Variants in FEM1B observed in about 807,000 individuals in gnomAD.
The protein encoded by FEM1B is protein fem-1 homolog B.
A neutral mutation model predicts 38.6 loss-of-function variants in FEM1B; 10 were observed. The observed-to-expected ratio is 0.26, with a 90% CI of 0.16 to 0.44. The LOEUF is 0.44. Among genes scored for constraint, FEM1B ranks in the 20% least tolerant of loss-of-function variants. The pLI is 1.00. For synonymous variants in FEM1B, 288 were observed against 288.0 expected (o/e 1.00, Z 0.00); for missense variants, 471 against 786.7 (o/e 0.60, Z 4.80).
Position 68,295,569 on chromosome 15 carries a change from G to A in FEM1B, c.*4327G>A, listed in dbSNP as rs1041136417. The A allele has an allele frequency of 2.0e-5, 3 of 152,198 alleles. No homozygotes were observed. The highest frequency in any genetic ancestry group is 7.2e-5 in the African/African-American group (3 of 41,444). 9.4% of individuals were successfully genotyped at this position (152,198 alleles called of 1,614,324 possible). On this transcript the variant is annotated 3_prime_UTR_variant, in exon 2 of 2. Coordinates refer to ENST00000306917, the MANE Select transcript of FEM1B (RefSeq NM_015322.5). ...ATCCTCCGTGCAGAGGAACTACACT[G>A]TTGTATTCTAGTAATTCACTGTGAT...
In FEM1B at chr15:68,281,860, T is replaced by A. The variant is rs1432493789; in HGVS notation, c.248+3195T>A. ...CGATCTCCTGACCTCGTGATCCGCA[T>A]GCCTCGGCCTCCCTAAGTGCTGGGA... On this transcript the variant is annotated intron_variant, in intron 1 of 1. Coordinates refer to ENST00000306917, the MANE Select transcript of FEM1B (RefSeq NM_015322.5). The surrounding 1 kb of genome is among the most constrained non-coding windows in gnomAD (Gnocchi z 5.1). 6.6e-6 allele frequency among the ~76,000 whole-genome samples: 1 copy of A among 152,222 alleles called. No individual in the cohort carries two copies. Among genetic ancestry groups the A allele is most frequent in the Non-Finnish European group, 1.5e-5 (1 of 68,028 alleles).
intron 1 of FEM1B, among the ~76,000 whole-genome samples, chr15:68,282,126 T>C (rs1425173311): frequency 1.3e-5 from 2 of 152,088 alleles, no homozygotes; most frequent in African/African-American, 4.8e-5. Flanking sequence ...CCATGAAACA[T>C]TGTGCTGGCC....
Position 68,289,425 on chromosome 15 carries a change from T to TA in FEM1B, c.249-181dup, listed in dbSNP as rs1422037041. 4 of 594,820 alleles carry TA rather than the reference T, an allele frequency of 6.7e-6. No individual in the cohort carries two copies. The highest frequency in any genetic ancestry group is 1.9e-5 in the African/African-American group (1 of 53,776). The allele number at this position is 594,820 out of a possible 1,614,324, so 36.8% of individuals were successfully genotyped here. Reference sequence around the variant, plus strand: ...AATAGCTAGCATATATTGAGCTTTATATTAGGTACAAGTACTATGCAAAGT... The same window carrying TA: ...AATAGCTAGCATATATTGAGCTTTATAATTAGGTACAAGTACTATGCAAAGT... On this transcript the variant is annotated intron_variant, in intron 1 of 1. Coordinates refer to ENST00000306917, the MANE Select transcript of FEM1B (RefSeq NM_015322.5). The surrounding 1 kb of genome is among the most constrained non-coding windows in gnomAD (Gnocchi z 6.9).
At position 68,285,691 on chromosome 15, in the gene FEM1B, C is replaced by CT. The variant is rs764398817; in HGVS notation, c.249-3903dup. On this transcript the variant is annotated intron_variant, in intron 1 of 1. Transcript: ENST00000306917. ...CTTTTGTGAAGTATACTTGTTCAGT[C>CT]TTTTTTTTTTTTTCTTAAATTGAGT... Among the ~76,000 whole-genome samples the CT allele has an allele frequency of 2.5e-3, 363 of 143,348 alleles. 2 individuals carry two copies. Among genetic ancestry groups the CT allele is most frequent in the East Asian group, 0.015 (75 of 4,998 alleles). The allele number at this position is 143,348 out of a possible 152,430, so 94.0% of individuals were successfully genotyped here. A position where few individuals can be genotyped will look rare whatever the true frequency, so the allele number is the denominator to read the frequency against.
rs1014317561 is a variant in FEM1B at position 68,281,583 on chromosome 15, A to T, written c.248+2918A>T. Among the ~76,000 whole-genome samples, 1 of 152,056 alleles carries T rather than the reference A, an allele frequency of 6.6e-6. No individual in the cohort carries two copies. Among genetic ancestry groups the T allele is most frequent in the African/African-American group, 2.4e-5 (1 of 41,392 alleles). On this transcript the variant is annotated intron_variant, in intron 1 of 1. Coordinates refer to ENST00000306917, the MANE Select transcript of FEM1B (RefSeq NM_015322.5). The surrounding 1 kb of genome is among the most constrained non-coding windows in gnomAD (Gnocchi z 5.1). ...ATAGAGCCTCGAGGGGAAAGGGACC[A>T]CCCACCTAGATTAAGCCATTGATAT...
chr15:68,288,110 G>C lies in FEM1B; in HGVS notation c.249-1497G>C, dbSNP rs573339987. Among the ~76,000 whole-genome samples, 2 of 152,306 alleles carry C rather than the reference G, an allele frequency of 1.3e-5. No individual in the cohort carries two copies. The highest frequency in any genetic ancestry group is 4.1e-4 in the South Asian group (2 of 4,822). On this transcript the variant is annotated intron_variant, in intron 1 of 1. Coordinates refer to ENST00000306917, the MANE Select transcript of FEM1B (RefSeq NM_015322.5). This position sits in a 1 kb window ranked among gnomAD's most constrained non-coding sequence, Gnocchi z 4.6. ...CTCCCAAAGTACTGAGATGATAGGC[G>C]TGAGCCACCATGCCAGGCCTAACGC... is the stretch of plus-strand genomic sequence containing the variant.
rs759411118 is a variant in FEM1B at position 68,290,549 on chromosome 15, T to C, written c.1191T>C (p.His397=). 1 of 1,614,198 alleles carries C rather than the reference T, an allele frequency of 6.2e-7. No homozygotes were observed. The highest frequency in any genetic ancestry group is 1.7e-5 in the Admixed American group (1 of 60,028). Residue 397 remains histidine (H), a synonymous_variant, in exon 2 of 2, where the codon CAT becomes CAC. Transcript: ENST00000306917. The surrounding 1 kb of genome is among the most constrained non-coding windows in gnomAD (Gnocchi z 9.7). ...RFAQVFSQMI[H]LNETVKAPDI... is the part of the protein sequence containing the mutation. ...CTCAAGTTTTCTCACAAATGATACA[T>C]TTGAATGAAACTGTGAAGGCCCCAG...
At position 68,294,487 on chromosome 15, in the gene FEM1B, A is replaced by G. The variant is rs1892882188; in HGVS notation, c.*3245A>G. 1 of 152,212 alleles carries G rather than the reference A, an allele frequency of 6.6e-6. No individual in the cohort carries two copies. The highest frequency in any genetic ancestry group is 2.4e-5 in the African/African-American group (1 of 41,454). The allele number at this position is 152,212 out of a possible 1,614,324, so 9.4% of individuals were successfully genotyped here. On this transcript the variant is annotated 3_prime_UTR_variant, in exon 2 of 2. Coordinates refer to ENST00000306917, the MANE Select transcript of FEM1B (RefSeq NM_015322.5). This position sits in a 1 kb window ranked among gnomAD's most constrained non-coding sequence, Gnocchi z 4.4. ...ACTCTGTTTGACAAATGTTTTGAAA[A>G]TTAAAATTTCAAGTGAGCAACACCC... is the stretch of plus-strand genomic sequence containing the variant.
intron 1 of FEM1B, among the ~76,000 whole-genome samples, chr15:68,282,555 C>T (rs1892740490): frequency 6.6e-6 from 1 of 152,116 alleles, no homozygotes. Flanking sequence ...AATGTTATCT[C>T]TTATTGTGAA....
Position 68,281,030 on chromosome 15 carries a change from C to T in FEM1B, c.248+2365C>T, listed in dbSNP as rs1292497500. Among the ~76,000 whole-genome samples, 1 of 152,134 alleles carries T rather than the reference C, an allele frequency of 6.6e-6. No individual in the cohort carries two copies. Among genetic ancestry groups the T allele is most frequent in the Non-Finnish European group, 1.5e-5 (1 of 68,022 alleles). ...CCTGGTACTCTCTGTGCATTCACAC[C>T]TTCTGTGAGATTATTTTGCAGTTTA... is the stretch of plus-strand genomic sequence containing the variant. On this transcript the variant is annotated intron_variant, in intron 1 of 1. Transcript: ENST00000306917. The surrounding 1 kb of genome is among the most constrained non-coding windows in gnomAD (Gnocchi z 5.1).
Position 68,287,857 on chromosome 15 carries a change from T to C in FEM1B, c.249-1750T>C, listed in dbSNP as rs534545592. On this transcript the variant is annotated intron_variant, in intron 1 of 1. Transcript: ENST00000306917. Reference sequence around the variant, plus strand: ...TTTTTTTTTTTTTTTTTTTTTGAGATGAAGTTTTGCTCTGTTGCCCAGGCT... The same window carrying C: ...TTTTTTTTTTTTTTTTTTTTTGAGACGAAGTTTTGCTCTGTTGCCCAGGCT... Among the ~76,000 whole-genome samples the C allele has an allele frequency of 1.5e-4, 21 of 141,332 alleles. 1 individual carries two copies. In the South Asian group the frequency reaches 4.7e-3, roughly 32 times the overall value. The allele number at this position is 141,332 out of a possible 152,430, so 92.7% of individuals were successfully genotyped here.
At position 68,281,218 on chromosome 15, in the gene FEM1B, C is replaced by T. The variant is rs1333072689; in HGVS notation, c.248+2553C>T. On this transcript the variant is annotated intron_variant, in intron 1 of 1. Coordinates refer to ENST00000306917, the MANE Select transcript of FEM1B (RefSeq NM_015322.5). The surrounding 1 kb of genome is among the most constrained non-coding windows in gnomAD (Gnocchi z 5.1). ...AAAAACACATAGCCAGCACTTGAGA[C>T]ACATGGCCATATAGGGATTAACAGC... 6.6e-6 allele frequency among the ~76,000 whole-genome samples: 1 copy of T among 152,220 alleles called. No homozygotes were observed. The highest frequency in any genetic ancestry group is 2.1e-4 in the South Asian group (1 of 4,832).
At chr15:68,286,800 CAAAA>C (rs528063212) in intron 1 of FEM1B, among the ~76,000 whole-genome samples, 2 of 144,920 alleles carry the variant, frequency 1.4e-5, no homozygotes, top group Non-Finnish European at 3.0e-5. Flanking sequence ...AAAAACATAA[CAAAA>C]AAATAACAAA....
chr15:68,281,650 C>T lies in FEM1B; in HGVS notation c.248+2985C>T, dbSNP rs950987614. Among the ~76,000 whole-genome samples, 1 of 152,086 alleles carries T rather than the reference C, an allele frequency of 6.6e-6. No homozygotes were observed. The highest frequency in any genetic ancestry group is 2.4e-5 in the African/African-American group (1 of 41,410). On this transcript the variant is annotated intron_variant, in intron 1 of 1. Coordinates refer to ENST00000306917, the MANE Select transcript of FEM1B (RefSeq NM_015322.5). This position sits in a 1 kb window ranked among gnomAD's most constrained non-coding sequence, Gnocchi z 5.1. Reference sequence around the variant, plus strand: ...TTTTTTTTTTTGAGACGGAGTCTCGCTCTGTCGCCGGGGCTGGAGTGCAGT... The same window carrying T: ...TTTTTTTTTTTGAGACGGAGTCTCGTTCTGTCGCCGGGGCTGGAGTGCAGT...
rs1381087906 is a variant in FEM1B, at chr15:68,280,712, G to A, written c.248+2047G>A. Among the ~76,000 whole-genome samples, 2 of 152,192 alleles carry A rather than the reference G, an allele frequency of 1.3e-5. No homozygotes were observed. The highest frequency in any genetic ancestry group is 4.8e-5 in the African/African-American group (2 of 41,446). On this transcript the variant is annotated intron_variant, in intron 1 of 1. Transcript: ENST00000306917. This position sits in a 1 kb window ranked among gnomAD's most constrained non-coding sequence, Gnocchi z 4.2. ...GATTGTGGGAGACTGGAGAGAGCTGGAGCCCAGATTTTGGTGATCCCTGTA... is the reference window on the plus strand; with the variant it reads ...GATTGTGGGAGACTGGAGAGAGCTGAAGCCCAGATTTTGGTGATCCCTGTA...
In FEM1B at chr15:68,290,753, C is replaced by T. The variant is rs1437366199; in HGVS notation, c.1395C>T (p.Cys465=). 6.2e-7 allele frequency: 1 copy of T among 1,613,758 alleles called. No individual in the cohort carries two copies. The highest frequency in any genetic ancestry group is 8.5e-7 in the Non-Finnish European group (1 of 1,179,904). The change falls in exon 2 of 2, where the codon TGC becomes TGT. Residue 465 remains cysteine (C), a synonymous_variant. Coordinates refer to ENST00000306917, the MANE Select transcript of FEM1B (RefSeq NM_015322.5). The surrounding 1 kb of genome is among the most constrained non-coding windows in gnomAD (Gnocchi z 9.7). ...CACAGTGCAGCGAAGAAGATCAGTG[C>T]AAAATTAACAAGCAGATCTACAACC... ...TKTQCSEEDQ[C]KINKQIYNLI...
rs1892876378 is a variant in FEM1B at position 68,294,005 on chromosome 15, T to C, written c.*2763T>C. On this transcript the variant is annotated 3_prime_UTR_variant, in exon 2 of 2. Transcript: ENST00000306917. The surrounding 1 kb of genome is among the most constrained non-coding windows in gnomAD (Gnocchi z 4.4). ...TCTCTGTCCTGTTCAGTAATTGTTATATAAATCTGGATGAGCTAGGGAGGC... is the reference window on the plus strand; with the variant it reads ...TCTCTGTCCTGTTCAGTAATTGTTACATAAATCTGGATGAGCTAGGGAGGC... The C allele has an allele frequency of 6.6e-6, 1 of 152,174 alleles. No individual in the cohort carries two copies. The highest frequency in any genetic ancestry group is 2.1e-4 in the South Asian group (1 of 4,832). The allele number at this position is 152,174 out of a possible 1,614,324, so 9.4% of individuals were successfully genotyped here.
chr15:68,282,421 T>C (rs992230540), intron 1 of FEM1B, among the ~76,000 whole-genome samples: 2 of 152,254 alleles, frequency 1.3e-5, no homozygotes, highest in African/African-American at 4.8e-5. Flanking sequence ...TTAAGGACTT[T>C]GGTTAAAATA....
intron 1 of FEM1B, among the ~76,000 whole-genome samples, chr15:68,285,144 T>A (rs1385766603): frequency 6.6e-6 from 1 of 152,212 alleles, no homozygotes; most frequent in African/African-American, 2.4e-5. Context: ...TTTGTTTGGC[T>A]TTTTTCGCTT....
Sources: gnomAD v4.1 joint callset for allele counts (sites outside exome capture counted in the v4.1 genomes callset) on GRCh38, gnomAD v4.1.1 for gene constraint, Gnocchi (gnomAD v3.1) non-coding constraint, MANE v1.5 for transcripts, NCBI Gene and HGNC (gene_info 2026-07-23, HGNC 2026-07-21) for gene names.